Variants in ATP13A4 observed in about 807,000 individuals in gnomAD.
ATP13A4 encodes probable cation-transporting ATPase 13A4.
A neutral mutation model predicts 142.5 loss-of-function variants in ATP13A4; 114 were observed. That is an observed-to-expected ratio of 0.80 (90% CI 0.69 to 0.93). ATP13A4 has a LOEUF of 0.93. Among genes scored for constraint, ATP13A4 ranks in the 40% least tolerant of loss-of-function variants. The pLI, the probability that ATP13A4 is intolerant of heterozygous loss-of-function variation, is 0.00. For synonymous variants in ATP13A4, 488 were observed against 514.8 expected, an observed-to-expected ratio of 0.95 and a Z score of 0.70; for missense variants, 1,392 against 1,454.0, an observed-to-expected ratio of 0.96 and a Z score of 0.69.
At chr3:193,503,725 C>T (rs1720689560) in intron 2 of ATP13A4, among the ~76,000 whole-genome samples, 1 of 152,162 alleles carries the variant, frequency 6.6e-6, no homozygotes, top group African/African-American at 2.4e-5. Context: ...CTGCTGCTTC[C>T]TTAGCCTGTA....
chr3:193,446,178 T>C (rs1242931979), intron 18 of ATP13A4, among the ~76,000 whole-genome samples: 3 of 150,612 alleles, frequency 2.0e-5, no homozygotes, highest in Admixed American at 2.0e-4. Context: ...AATAAGTAAA[T>C]AAACAAACAA....
intron 2 of ATP13A4, among the ~76,000 whole-genome samples, chr3:193,503,263 C>T (rs1465750439): frequency 1.3e-5 from 2 of 152,114 alleles, no homozygotes; most frequent in Non-Finnish European, 2.9e-5. Flanking sequence ...AAGGTAATTG[C>T]CAAGATGTTA....
At chr3:193,468,178 T>C (rs1648803209) in intron 9 of ATP13A4, among the ~76,000 whole-genome samples, 1 of 151,892 alleles carries the variant, frequency 6.6e-6, no homozygotes, top group Non-Finnish European at 1.5e-5. Context: ...AAACTCCATC[T>C]CAAAAATAAA....
chr3:193,554,903 T>C (rs34429757), upstream of ATP13A4: 1 of 1,609,580 alleles, frequency 6.2e-7, no homozygotes, highest in Non-Finnish European at 8.5e-7. Context: ...ACTAAAAGAG[T>C]TAATGATCCT....
intron 2 of ATP13A4, among the ~76,000 whole-genome samples, chr3:193,576,429 G>C (rs1024298301): frequency 8.0e-5 from 12 of 149,550 alleles, no homozygotes; most frequent in African/African-American, 3.0e-4. Context: ...CCGCCACCGC[G>C]CCCGGCTAAT....
chr3:193,441,103 T>G (rs1195452624), intron 20 of ATP13A4, among the ~76,000 whole-genome samples: 4 of 152,100 alleles, frequency 2.6e-5, no homozygotes, highest in Admixed American at 2.6e-4. Flanking sequence ...ATCAAAAAAC[T>G]AATGGTGTTC....
At chr3:193,503,848 C>CTAAA (rs1720696848) in intron 2 of ATP13A4, among the ~76,000 whole-genome samples, 3 of 152,236 alleles carry the variant, frequency 2.0e-5, no homozygotes, top group Middle Eastern at 3.4e-3. Flanking sequence ...TCTGGGTGAT[C>CTAAA]TCTCCTCTAA....
chr3:193,578,149 C>T lies in ATP13A4; in HGVS notation n.291+3558G>A, dbSNP rs149233127. Among the ~76,000 whole-genome samples the T allele has an allele frequency of 1.2e-3, 188 of 152,024 alleles. 2 individuals are homozygous for T. The East Asian group carries it at 0.033, about 27-fold the overall frequency. Reference sequence around the variant, plus strand: ...TATCTACTAAAAATACAAAAAGTAGCCAGGTATGATGGTGTGTGCTGTAAT... The same window carrying T: ...TATCTACTAAAAATACAAAAAGTAGTCAGGTATGATGGTGTGTGCTGTAAT... On this transcript the variant is annotated intron_variant and non_coding_transcript_variant, in intron 2 of 3. Transcript: ENST00000489140.
chr3:193,471,910 C>A (rs1261277759), intron 8 of ATP13A4, among the ~76,000 whole-genome samples: 3 of 152,022 alleles, frequency 2.0e-5, no homozygotes, highest in African/African-American at 7.2e-5. Context: ...GGTATTGGAT[C>A]CTAAGCAGGA....
chr3:193,513,297 C>T (rs1234534663), intron 2 of ATP13A4, among the ~76,000 whole-genome samples: 1 of 152,194 alleles, frequency 6.6e-6, no homozygotes, highest in Admixed American at 6.5e-5. Flanking sequence ...CTATCCTTCT[C>T]TCTTACTGCA....
At chr3:193,539,070 T>G (rs998704540) in intron 1 of ATP13A4, among the ~76,000 whole-genome samples, 6 of 152,018 alleles carry the variant, frequency 3.9e-5, no homozygotes. Flanking sequence ...ACAGGGTTTC[T>G]GCATGTTGGT....
intron 23 of ATP13A4, among the ~76,000 whole-genome samples, chr3:193,436,678 C>G (rs1475431229): frequency 6.6e-6 from 1 of 151,738 alleles, no homozygotes; most frequent in African/African-American, 2.4e-5. Context: ...TCTCGAACTC[C>G]TGACCTCAAG....
chr3:193,540,018 C>G (rs1722800485), intron 1 of ATP13A4, among the ~76,000 whole-genome samples: 2 of 151,984 alleles, frequency 1.3e-5, no homozygotes, highest in South Asian at 4.2e-4. Flanking sequence ...AGGTTGAAAG[C>G]CTCCACAATC....
chr3:193,558,470 G>T (rs1258162386), upstream of ATP13A4, among the ~76,000 whole-genome samples: 1 of 152,172 alleles, frequency 6.6e-6, no homozygotes, highest in Non-Finnish European at 1.5e-5. Context: ...GCCCAGATCT[G>T]TAATAGATGA....
At chr3:193,507,883 G>A (rs144516146) in intron 2 of ATP13A4, among the ~76,000 whole-genome samples, 200 of 152,202 alleles carry the variant, frequency 1.3e-3, no homozygotes, top group Middle Eastern at 0.01. Flanking sequence ...AAAAAATGGA[G>A]GCAAAAAGAG....
At chr3:193,589,130 ACT>A (rs1223496045) in intron 1 of ATP13A4, among the ~76,000 whole-genome samples, 1 of 151,972 alleles carries the variant, frequency 6.6e-6, no homozygotes, top group East Asian at 1.9e-4. Context: ...ACAAAGTGAG[ACT>A]CTGTCTCAAA....
chr3:193,446,192 A>C (rs1016522495), intron 18 of ATP13A4, among the ~76,000 whole-genome samples: 10 of 152,130 alleles, frequency 6.6e-5, no homozygotes, highest in African/African-American at 2.4e-4. Flanking sequence ...CAAACAAATA[A>C]ATAAGACAAC....
chr3:193,511,288 T>C (rs1394643781), intron 2 of ATP13A4, among the ~76,000 whole-genome samples: 2 of 152,190 alleles, frequency 1.3e-5, no homozygotes, highest in Non-Finnish European at 1.5e-5. Flanking sequence ...GGCAGGATGA[T>C]GGAACGAAGC....
At chr3:193,462,570 T>G (rs1718014941) in intron 13 of ATP13A4, among the ~76,000 whole-genome samples, 192 bp downstream of exon 13, 1 of 152,088 alleles carries the variant, frequency 6.6e-6, no homozygotes, top group Non-Finnish European at 1.5e-5. Flanking sequence ...TGGGTTGGGA[T>G]GGGGGGAAAT....
Sources: allele counts gnomAD v4.1 joint callset (sites outside exome capture counted in the v4.1 genomes callset), GRCh38; gene constraint gnomAD v4.1.1; transcripts MANE v1.5; gene names NCBI Gene and HGNC (gene_info 2026-07-23, HGNC 2026-07-21).